Variants in EVA1A observed in about 807,000 individuals in gnomAD.
EVA1A encodes the protein eva-1 homolog A, regulator of programmed cell death, also known as protein eva-1 homolog A.
EVA1A carries 7 observed loss-of-function variants against 9.8 expected under a neutral mutation model. The observed-to-expected ratio is 0.71, with a 90% CI of 0.41 to 1.34. The LOEUF (loss-of-function observed/expected upper bound fraction) is 1.34. Among genes scored for constraint, EVA1A ranks in the 40% most tolerant of loss-of-function variants. The pLI, the probability that EVA1A is intolerant of heterozygous loss-of-function variation, is 0.01. For synonymous variants in EVA1A, 90 were observed against 85.6 expected, an observed-to-expected ratio of 1.05 and a Z score of -0.28; for missense variants, 206 against 205.9, an observed-to-expected ratio of 1.00 and a Z score of 0.00.
chr2:75,500,191 C>T (rs1186953192), intron 3 of EVA1A, among the ~76,000 whole-genome samples: 1 of 152,190 alleles, frequency 6.6e-6, no homozygotes, highest in Non-Finnish European at 1.5e-5. Context: ...GCAAAAGCCC[C>T]TAATAACTGG....
intron 1 of EVA1A, among the ~76,000 whole-genome samples, chr2:75,523,845 T>C (rs761972047): frequency 2.2e-4 from 34 of 152,166 alleles, no homozygotes; most frequent in Non-Finnish European, 4.0e-4. Flanking sequence ...CACTCTCCAA[T>C]CGGAACCTCT....
At chr2:75,509,634 T>A (rs1572954135) in intron 3 of EVA1A, among the ~76,000 whole-genome samples, 1 of 152,158 alleles carries the variant, frequency 6.6e-6, no homozygotes, top group Admixed American at 6.5e-5. Context: ...TTCATCAAAT[T>A]GTATTTACTG....
chr2:75,537,221 T>C (rs1572978243), intron 1 of EVA1A, among the ~76,000 whole-genome samples: 1 of 152,194 alleles, frequency 6.6e-6, no homozygotes, highest in South Asian at 2.1e-4. Context: ...AAAAAAGTCA[T>C]GTTAATTGAG....
At chr2:75,495,825 A>G (rs1010762585) in intron 3 of EVA1A, among the ~76,000 whole-genome samples, 1 of 152,206 alleles carries the variant, frequency 6.6e-6, no homozygotes. Flanking sequence ...CATGAAATCC[A>G]TTACATCATC....
intron 1 of EVA1A, among the ~76,000 whole-genome samples, chr2:75,533,149 TAAAAAA>T (rs535862439): frequency 8.6e-6 from 1 of 116,630 alleles, no homozygotes; most frequent in African/African-American, 3.1e-5. Flanking sequence ...ACCCTGTCTT[TAAAAAA>T]AAAAAAAGAA....
At chr2:75,532,937 G>T (rs1675719644) in intron 1 of EVA1A, among the ~76,000 whole-genome samples, 2 of 152,148 alleles carry the variant, frequency 1.3e-5, no homozygotes, top group South Asian at 4.1e-4. Flanking sequence ...GAGCTCAGGT[G>T]TTTGAGACCA....
At chr2:75,508,690 A>G (rs915020184) in intron 3 of EVA1A, among the ~76,000 whole-genome samples, 1 of 150,822 alleles carries the variant, frequency 6.6e-6, no homozygotes, top group Non-Finnish European at 1.5e-5. Flanking sequence ...CTATTTGCAC[A>G]CTCCCTCCCC....
intron 1 of EVA1A, among the ~76,000 whole-genome samples, chr2:75,545,097 T>C (rs138477126): frequency 6.6e-5 from 10 of 152,224 alleles, no homozygotes; most frequent in African/African-American, 2.4e-4. Flanking sequence ...GTTATAGTCA[T>C]TAATATTCCA....
At chr2:75,562,361 C>G (rs1351540664), upstream of EVA1A, among the ~76,000 whole-genome samples, 2 of 152,136 alleles carry the variant, frequency 1.3e-5, no homozygotes, top group African/African-American at 2.4e-5. Flanking sequence ...TCAAGATGAT[C>G]TCATACAGCC....
At chr2:75,550,979 C>T (rs947498518) in intron 1 of EVA1A, among the ~76,000 whole-genome samples, 1 of 152,086 alleles carries the variant, frequency 6.6e-6, no homozygotes, top group East Asian at 1.9e-4. Flanking sequence ...AAAAATTAGC[C>T]AGGCATAGTA....
rs934038346 is a variant in EVA1A at position 75,558,881 on chromosome 2, T to C, written c.-192+1799A>G. On this transcript the variant is annotated intron_variant, in intron 1 of 3. Coordinates refer to ENST00000393913, the MANE Select transcript of EVA1A (RefSeq NM_001135032.2). ...TTACCTTCAGTGCTTGTAAAACACC[T>C]GCAGATTCCCAATTCCCATCCCTTC... is the stretch of plus-strand genomic sequence containing the variant. 1.4e-4 allele frequency among the ~76,000 whole-genome samples: 21 copies of C among 152,304 alleles called. No individual in the cohort carries two copies. In the South Asian group the frequency reaches 2.9e-3, roughly 21 times the overall value.
At chr2:75,505,252 A>G (rs1674574129) in intron 3 of EVA1A, among the ~76,000 whole-genome samples, 1 of 152,218 alleles carries the variant, frequency 6.6e-6, no homozygotes, top group African/African-American at 2.4e-5. Context: ...GGTGTGATTA[A>G]TTAGCCCCTC....
intron 1 of EVA1A, among the ~76,000 whole-genome samples, chr2:75,524,782 C>G (rs970453890): frequency 6.6e-6 from 1 of 152,062 alleles, no homozygotes. Flanking sequence ...GAATTTTCAC[C>G]TGTGCTTTCA....
rs1182446512 is a variant in EVA1A, at chr2:75,492,561, T to C, written c.*675A>G. ...ATGTCAATATATATTTTATAAACTA[T>C]TTAAAATAAAAACCCTTCATCCTTT... is the stretch of plus-strand genomic sequence containing the variant. On this transcript the variant is annotated 3_prime_UTR_variant, in exon 4 of 4. Coordinates refer to ENST00000393913, the MANE Select transcript of EVA1A (RefSeq NM_001135032.2). The C allele has an allele frequency of 1.3e-5, 2 of 152,630 alleles. No individual in the cohort carries two copies. The highest frequency in any genetic ancestry group is 2.9e-5 in the Non-Finnish European group (2 of 68,040). 9.5% of individuals were successfully genotyped at this position (152,630 alleles called of 1,614,324 possible). A position where few individuals can be genotyped will look rare whatever the true frequency, so the allele number is the denominator to read the frequency against.
At chr2:75,535,832 C>G (rs1675865806) in intron 1 of EVA1A, among the ~76,000 whole-genome samples, 1 of 152,120 alleles carries the variant, frequency 6.6e-6, no homozygotes, top group African/African-American at 2.4e-5. Flanking sequence ...GGGTACAACA[C>G]ACACTATTCA....
upstream of EVA1A, chr2:75,561,466 G>C (rs1676920349): frequency 6.6e-6 from 1 of 151,434 alleles, no homozygotes; most frequent in Non-Finnish European, 1.5e-5. Flanking sequence ...TGCAGCTGAG[G>C]CCTCTGTTTG....
chr2:75,550,063 T>C (rs191313477), intron 1 of EVA1A, among the ~76,000 whole-genome samples: 17 of 152,278 alleles, frequency 1.1e-4, no homozygotes, highest in Admixed American at 8.5e-4. Flanking sequence ...ACAGAGATTG[T>C]CTTTGCCCCT....
intron 1 of EVA1A, among the ~76,000 whole-genome samples, chr2:75,532,030 G>A (rs1347200957): frequency 3.3e-5 from 5 of 151,698 alleles, no homozygotes; most frequent in Admixed American, 3.3e-4. Context: ...TGTGGTGGCG[G>A]GTGCCTGTGG....
intron 3 of EVA1A, among the ~76,000 whole-genome samples, chr2:75,515,176 T>C (rs1162799300): frequency 6.6e-6 from 1 of 152,250 alleles, no homozygotes; most frequent in East Asian, 1.9e-4. Context: ...AAAAGCTCTT[T>C]ATTTGTTATA....
Sources: allele counts gnomAD v4.1 joint callset (sites outside exome capture counted in the v4.1 genomes callset), GRCh38; gene constraint gnomAD v4.1.1; transcripts MANE v1.5; gene names NCBI Gene and HGNC (gene_info 2026-07-23, HGNC 2026-07-21).